NOL4: variants seen among roughly 807,000 people sequenced by gnomAD.
NOL4 encodes the protein cancer/testis antigen 125.
A neutral mutation model predicts 75.9 loss-of-function variants in NOL4; 17 were observed. The ratio of observed to expected loss-of-function variants is 0.22; its 90% confidence interval spans 0.15 to 0.34. NOL4 has a LOEUF of 0.34. Among genes scored for constraint, NOL4 ranks in the 10% least tolerant of loss-of-function variants. NOL4 has a pLI of 1.00. For synonymous variants in NOL4, 292 were observed against 289.9 expected (o/e 1.01, Z -0.07); for missense variants, 614 against 793.5 (o/e 0.77, Z 2.72).
intron 5 of NOL4, among the ~76,000 whole-genome samples, chr18:34,027,305 T>G (rs914436427): frequency 7.2e-5 from 11 of 152,134 alleles, no homozygotes; most frequent in Admixed American, 7.2e-4. Context: ...GTAAAGGGTG[T>G]TGGGGTCAGG....
intron 1 of NOL4, among the ~76,000 whole-genome samples, chr18:34,198,756 A>T (rs1008490114): frequency 6.6e-6 from 1 of 151,810 alleles, no homozygotes. Flanking sequence ...ACAAGAATTG[A>T]ATGAAAATAT....
chr18:33,965,892 GA>G (rs1291929703), intron 6 of NOL4, among the ~76,000 whole-genome samples: 2 of 151,948 alleles, frequency 1.3e-5, no homozygotes, highest in Non-Finnish European at 2.9e-5. Context: ...AAATACTACA[GA>G]AAAAAAGTTA....
At chr18:34,125,477 T>C (rs953397417) in intron 2 of NOL4, among the ~76,000 whole-genome samples, 42 of 152,120 alleles carry the variant, frequency 2.8e-4, no homozygotes, top group African/African-American at 8.9e-4. Flanking sequence ...TGACAAAAAT[T>C]CTGGGAATTT....
At chr18:33,953,809 T>A (rs563825185) in intron 8 of NOL4, among the ~76,000 whole-genome samples, 2 of 152,226 alleles carry the variant, frequency 1.3e-5, no homozygotes, top group African/African-American at 4.8e-5. Context: ...ACTTTGAGAA[T>A]AGGACACTGT....
intron 5 of NOL4, among the ~76,000 whole-genome samples, chr18:34,077,657 T>C (rs2077811399): frequency 6.6e-6 from 1 of 152,084 alleles, no homozygotes. Context: ...AATTAAAGTC[T>C]ACAGAATAAA....
chr18:34,064,202 G>A (rs981248449), intron 5 of NOL4, among the ~76,000 whole-genome samples: 3 of 152,036 alleles, frequency 2.0e-5, no homozygotes, highest in Non-Finnish European at 2.9e-5. Context: ...CAAGGAAAGT[G>A]AAGCAGGGAC....
intron 1 of NOL4, among the ~76,000 whole-genome samples, chr18:34,133,347 T>C (rs1378265041): frequency 6.7e-6 from 1 of 149,594 alleles, no homozygotes; most frequent in Non-Finnish European, 1.5e-5. Context: ...CTAGTAGACA[T>C]AACATATGAT....
At chr18:33,924,858 C>G (rs1356130363) in intron 9 of NOL4, among the ~76,000 whole-genome samples, 2 of 152,050 alleles carry the variant, frequency 1.3e-5, no homozygotes, top group African/African-American at 2.4e-5. Context: ...AGCAGGTGCA[C>G]TTTGAGATGG....
chr18:34,139,081 GTATTT>G (rs1390966627), intron 1 of NOL4, among the ~76,000 whole-genome samples: 1 of 152,184 alleles, frequency 6.6e-6, no homozygotes, highest in Non-Finnish European at 1.5e-5. Context: ...TGAATTGCCA[GTATTT>G]TATTGAGGAT....
At position 33,928,321 on chromosome 18, in the gene NOL4, C is replaced by G. The variant is rs561130766; in HGVS notation, c.1542+14744G>C. On this transcript the variant is annotated intron_variant, in intron 9 of 10. Transcript: ENST00000261592. Reference sequence around the variant, plus strand: ...CTGCTGATTATTTCCTTGAAATTAACAACAGCCTAAACCAAAGATGTATCT... The same window carrying G: ...CTGCTGATTATTTCCTTGAAATTAAGAACAGCCTAAACCAAAGATGTATCT... Among the ~76,000 whole-genome samples, 21 of 152,208 alleles carry G rather than the reference C, an allele frequency of 1.4e-4. No homozygotes were observed. In the South Asian group the frequency reaches 2.5e-3, roughly 18 times the overall value.
chr18:33,866,958 T>C (rs993674438), intron 10 of NOL4, among the ~76,000 whole-genome samples: 1 of 152,012 alleles, frequency 6.6e-6, no homozygotes, highest in African/African-American at 2.4e-5. Flanking sequence ...GCCTATGAGG[T>C]CAAAAATATC....
intron 9 of NOL4, among the ~76,000 whole-genome samples, chr18:33,926,515 TAAAGAAATAACCAACAAGAAA>T (rs2067341482): frequency 1.3e-5 from 2 of 152,298 alleles, no homozygotes; most frequent in Admixed American, 1.3e-4. Flanking sequence ...GTAGCAAAGA[TAAAGAAATAACCAACAAGAAA>T]GACATTGGTA....
intron 9 of NOL4, among the ~76,000 whole-genome samples, chr18:33,923,836 G>T (rs1234162429): frequency 6.6e-6 from 1 of 152,094 alleles, no homozygotes; most frequent in Non-Finnish European, 1.5e-5. Context: ...CCAGTTTACA[G>T]CATCTAAACC....
intron 1 of NOL4, among the ~76,000 whole-genome samples, chr18:34,155,634 C>T (rs970973049): frequency 3.3e-5 from 5 of 151,938 alleles, no homozygotes; most frequent in African/African-American, 1.2e-4. Flanking sequence ...AATTTTAATA[C>T]AGTGGGTATT....
At position 34,015,674 on chromosome 18, in the gene NOL4, T is replaced by C. The variant is rs188704062; in HGVS notation, c.1056+3644A>G. Among the ~76,000 whole-genome samples, 25 of 152,144 alleles carry C rather than the reference T, an allele frequency of 1.6e-4. No homozygotes were observed. In the East Asian group the frequency reaches 4.3e-3, roughly 26 times the overall value. ...AAGCAGCACTTTTGCTCTGAAATCTTTAAAATGTCTCTCTCTCTCCATCCT... is the reference window on the plus strand; with the variant it reads ...AAGCAGCACTTTTGCTCTGAAATCTCTAAAATGTCTCTCTCTCTCCATCCT... On this transcript the variant is annotated intron_variant, in intron 6 of 10. Transcript: ENST00000261592.
chr18:33,943,047 T>A lies in NOL4; in HGVS notation c.1542+18A>T. Reference sequence around the variant, plus strand: ...TTGCTATAGCTGGTGTTCACCAGACTTCAAGATGCCTCAGTACCTGCTGTC... The same window carrying A: ...TTGCTATAGCTGGTGTTCACCAGACATCAAGATGCCTCAGTACCTGCTGTC... On this transcript the variant is annotated intron_variant, in intron 9 of 10. Coordinates refer to ENST00000261592, the MANE Select transcript of NOL4 (RefSeq NM_003787.5). 1.9e-6 allele frequency: 3 copies of A among 1,552,774 alleles called. No individual in the cohort carries two copies. The highest frequency in any genetic ancestry group is 2.7e-6 in the Non-Finnish European group (3 of 1,126,544).
chr18:34,108,220 GA>G (rs2079406704), intron 2 of NOL4, among the ~76,000 whole-genome samples: 1 of 151,976 alleles, frequency 6.6e-6, no homozygotes, highest in South Asian at 2.1e-4. Context: ...AAAAGATGAA[GA>G]AAAAGTAATC....
At chr18:34,099,370 A>AAAAAAAAAAAAAG (rs2078938286) in intron 4 of NOL4, among the ~76,000 whole-genome samples, 1 of 149,536 alleles carries the variant, frequency 6.7e-6, no homozygotes, top group African/African-American at 2.5e-5. Flanking sequence ...CTCAAAAAAA[A>AAAAAAAAAAAAAG]AAAAAAAGAC....
chr18:34,042,680 T>C (rs899875588), intron 5 of NOL4, among the ~76,000 whole-genome samples: 1 of 152,090 alleles, frequency 6.6e-6, no homozygotes, highest in Non-Finnish European at 1.5e-5. Flanking sequence ...AGTTCCTTTA[T>C]ATTAGTTATT....
Sources: gnomAD v4.1 joint callset for allele counts (sites outside exome capture counted in the v4.1 genomes callset) on GRCh38, gnomAD v4.1.1 for gene constraint, MANE v1.5 for transcripts, NCBI Gene and HGNC (gene_info 2026-07-23, HGNC 2026-07-21) for gene names.